The following RFX4 variants were observed in gnomAD, a reference collection of about 807,000 sequenced individuals.
RFX4 encodes the protein regulatory factor X4.
A neutral mutation model predicts 95.0 loss-of-function variants in RFX4; 10 were observed. The ratio of observed to expected loss-of-function variants is 0.11; its 90% CI spans 0.06 to 0.18. The LOEUF (loss-of-function observed/expected upper bound fraction) is 0.18. Among genes scored for constraint, RFX4 ranks in the 10% least tolerant of loss-of-function variants. The pLI is 1.00. For synonymous variants in RFX4, 321 were observed against 340.7 expected (o/e 0.94, Z 0.64); for missense variants, 640 against 922.0 (o/e 0.69, Z 3.96).
At chr12:106,662,136 C>T (rs540176217) in intron 4 of RFX4, 8 of 387,290 alleles carry the variant, frequency 2.1e-5, no homozygotes, top group Admixed American at 1.7e-4. Context: ...TAATAAACTG[C>T]CAAACTGTCT....
chr12:106,747,089 A>G (rs1366496470), intron 15 of RFX4, among the ~76,000 whole-genome samples: 1 of 152,210 alleles, frequency 6.6e-6, no homozygotes, highest in Non-Finnish European at 1.5e-5. Context: ...ACTTAGGCCT[A>G]CAGTACAGTG....
chr12:106,756,082 C>T (rs2136102870), intron 17 of RFX4, among the ~76,000 whole-genome samples: 1 of 152,300 alleles, frequency 6.6e-6, no homozygotes, highest in Non-Finnish European at 1.5e-5. Flanking sequence ...GTAAACCTCC[C>T]AGCCCTGCTT....
intron 2 of RFX4, among the ~76,000 whole-genome samples, chr12:106,621,602 C>T (rs1428732340): frequency 6.6e-6 from 1 of 152,194 alleles, no homozygotes; most frequent in Non-Finnish European, 1.5e-5. Context: ...TCTCAATCTG[C>T]ATGTATAGCT....
chr12:106,697,717 A>C (rs183521449), intron 8 of RFX4, among the ~76,000 whole-genome samples: 33 of 151,964 alleles, frequency 2.2e-4, no homozygotes, highest in Non-Finnish European at 3.5e-4. Context: ...CTCTGCCTCC[A>C]CCTTCACAGT....
chr12:106,739,023 T>C (rs2042760675), intron 15 of RFX4, among the ~76,000 whole-genome samples: 1 of 144,206 alleles, frequency 6.9e-6, no homozygotes, highest in African/African-American at 2.5e-5. Context: ...ATTTCTATTT[T>C]AAAATTATCG....
chr12:106,703,498 TA>T (rs1475992535), intron 8 of RFX4, among the ~76,000 whole-genome samples: 2 of 152,238 alleles, frequency 1.3e-5, no homozygotes, highest in East Asian at 3.8e-4. Context: ...TTTGTGTTAT[TA>T]AAATCTTTCT....
At chr12:106,728,416 A>G (rs1360395278) in intron 13 of RFX4, among the ~76,000 whole-genome samples, 1 of 152,094 alleles carries the variant, frequency 6.6e-6, no homozygotes, top group East Asian at 1.9e-4. Context: ...TCATACATCT[A>G]ACACATATCC....
Position 106,752,644 on chromosome 12 carries a change from G to C in RFX4, c.1935+1851G>C, listed in dbSNP as rs548985200. 1.1e-4 allele frequency among the ~76,000 whole-genome samples: 17 copies of C among 152,200 alleles called. No individual in the cohort carries two copies. The East Asian group carries it at 3.3e-3, about 29-fold the overall frequency. The stretch of plus-strand genomic sequence containing the variant: ...CAACATCATTTTAACTGGCCTTGGG[G>C]TGTCCCGTGTCTGCTCTTTTCATCC... On this transcript the variant is annotated intron_variant, in intron 17 of 17. Coordinates refer to ENST00000392842, the MANE Select transcript of RFX4 (RefSeq NM_213594.3).
At chr12:106,722,686 T>C (rs2042417891) in intron 13 of RFX4, among the ~76,000 whole-genome samples, 1 of 152,204 alleles carries the variant, frequency 6.6e-6, no homozygotes, top group Non-Finnish European at 1.5e-5. Context: ...TTCTCAACCC[T>C]GAGTGGGTTG....
chr12:106,683,466 GAAAAAAAAAAAAAAAAAAAAAA>G (rs149587196), intron 5 of RFX4: 1 of 50,816 alleles, frequency 2.0e-5, no homozygotes, highest in Non-Finnish European at 3.4e-5. Flanking sequence ...TGACTATTCT[GAAAAAAAAAAAAAAAAAAAAAA>G]AAAAAAAACA....
intron 15 of RFX4, among the ~76,000 whole-genome samples, chr12:106,740,555 G>A (rs1294808710): frequency 6.6e-6 from 1 of 151,990 alleles, no homozygotes; most frequent in African/African-American, 2.4e-5. Context: ...GGGACTTTAG[G>A]CTCCCTCATT....
chr12:106,592,009 T>C (rs2137168159), intron 1 of RFX4, among the ~76,000 whole-genome samples: 1 of 152,312 alleles, frequency 6.6e-6, no homozygotes, highest in Middle Eastern at 3.4e-3. Context: ...TCCTTCTTTG[T>C]GAAAATGTCT....
At chr12:106,590,842 G>C (rs2039529318) in intron 1 of RFX4, among the ~76,000 whole-genome samples, 1 of 152,126 alleles carries the variant, frequency 6.6e-6, no homozygotes, top group African/African-American at 2.4e-5. Context: ...ACCTACTCAG[G>C]AGGCTGAGAT....
intron 3 of RFX4, 91 bp from the exon 4 acceptor site, chr12:106,654,137 A>G (rs544412296): frequency 6.5e-7 from 1 of 1,531,142 alleles, no homozygotes; most frequent in African/African-American, 1.4e-5. Context: ...ATTTCTAAGG[A>G]CTGCCCATCT....
chr12:106,684,649 T>A (rs1298964782), intron 5 of RFX4: 12 of 1,422,906 alleles, frequency 8.4e-6, no homozygotes, highest in Non-Finnish European at 1.1e-5. Flanking sequence ...GTGTCATAAC[T>A]GTCATCCCAC....
At chr12:106,590,563 C>T (rs192732377) in intron 1 of RFX4, among the ~76,000 whole-genome samples, 84 of 152,310 alleles carry the variant, frequency 5.5e-4, no homozygotes, top group Non-Finnish European at 9.7e-4. Context: ...TTGTGTGTTC[C>T]TAACTTTCCT....
chr12:106,627,075 T>G (rs888411410), intron 2 of RFX4, among the ~76,000 whole-genome samples: 3 of 152,206 alleles, frequency 2.0e-5, no homozygotes, highest in Non-Finnish European at 2.9e-5. Flanking sequence ...TCTTACCATG[T>G]TCCTCACTCT....
intron 13 of RFX4, among the ~76,000 whole-genome samples, chr12:106,721,914 G>A (rs866286471): frequency 1.6e-4 from 24 of 152,298 alleles, no homozygotes; most frequent in African/African-American, 5.3e-4. Flanking sequence ...AAACAAAGAA[G>A]GCACTATTTT....
chr12:106,586,450 T>C lies in RFX4; in HGVS notation c.43+3087T>C, dbSNP rs575446962. Among the ~76,000 whole-genome samples the C allele has an allele frequency of 2.7e-5, 4 of 150,640 alleles. No individual in the cohort carries two copies. The highest frequency in any genetic ancestry group is 1.3e-4 in the Admixed American group (2 of 15,168). Reference sequence around the variant, plus strand: ...GAACGATGGGGGAAAGTGGGTAGAATTTTAGGCCACCGAGAACTTGTGCAA... The same window carrying C: ...GAACGATGGGGGAAAGTGGGTAGAACTTTAGGCCACCGAGAACTTGTGCAA... On this transcript the variant is annotated intron_variant, in intron 1 of 17. Transcript: ENST00000392842. This position sits in a 1 kb window ranked among gnomAD's most constrained non-coding sequence, Gnocchi z 5.6.
Sources: allele counts gnomAD v4.1 joint callset (sites outside exome capture counted in the v4.1 genomes callset), GRCh38; gene constraint gnomAD v4.1.1; non-coding constraint Gnocchi (gnomAD v3.1); transcripts MANE v1.5; gene names NCBI Gene and HGNC (gene_info 2026-07-23, HGNC 2026-07-21).